The following U2AF2 variants were observed in gnomAD, a reference collection of about 807,000 sequenced individuals.
U2AF2 encodes the protein splicing factor U2AF 65 kDa subunit.
In U2AF2, 6 loss-of-function variants were observed where a neutral mutation model predicts 52.6. The ratio of observed to expected loss-of-function variants is 0.11; its 90% CI spans 0.06 to 0.23. The LOEUF is 0.23. Ranked by LOEUF, U2AF2 falls within the 10% of genes least tolerant of loss-of-function variation. U2AF2 has a pLI of 1.00. For missense variants in U2AF2, 222 were observed against 677.1 expected (o/e 0.33, Z 7.46); for synonymous variants, 284 against 258.2 (o/e 1.10, Z -0.96).
chr19:55,662,459 T>TA, intron 5 of U2AF2, 43 bp from the exon 6 acceptor site: 4 of 311,206 alleles, frequency 1.3e-5, no homozygotes, highest in Non-Finnish European at 2.6e-5. Flanking sequence ...TCTCTCCACC[T>TA]CCCTTCCCCC....
In U2AF2 at chr19:55,674,171, C is replaced by A; in HGVS notation, c.*103C>A. The A allele has an allele frequency of 8.8e-7, 1 of 1,136,744 alleles. No individual in the cohort carries two copies. Among genetic ancestry groups the A allele is most frequent in the East Asian group, 3.5e-5 (1 of 28,232 alleles). The allele number at this position is 1,136,744 out of a possible 1,614,324, so 70.4% of individuals were successfully genotyped here. A position where few individuals can be genotyped will look rare whatever the true frequency, so the allele number is the denominator to read the frequency against. ...AGACGATGGGCAGAGGAGTGACAGC[C>A]GCAGACACACGACAGCCGGCAGCAA... On this transcript the variant is annotated 3_prime_UTR_variant, in exon 12 of 12. Transcript: ENST00000308924.
intron 7 of U2AF2, among the ~76,000 whole-genome samples, chr19:55,665,975 G>A (rs996261913): frequency 3.9e-5 from 6 of 152,220 alleles, no homozygotes; most frequent in Non-Finnish European, 8.8e-5. Flanking sequence ...GATGGATGGC[G>A]GTGCAGCTGG....
chr19:55,663,056 G>A (rs1224554632), intron 6 of U2AF2, among the ~76,000 whole-genome samples: 1 of 152,084 alleles, frequency 6.6e-6, no homozygotes. Context: ...TCGGGAAAAG[G>A]CCTTGGTTTT....
At chr19:55,655,532 C>T (rs565134801) in intron 1 of U2AF2, among the ~76,000 whole-genome samples, 3 of 152,392 alleles carry the variant, frequency 2.0e-5, no homozygotes, top group Admixed American at 2.0e-4. Flanking sequence ...TCTCTTTTCT[C>T]CCGCTGCCTT....
At chr19:55,660,252 GAT>G (rs1409048542) in intron 3 of U2AF2, 31 bp downstream of exon 3, 1 of 1,607,052 alleles carries the variant, frequency 6.2e-7, no homozygotes, top group East Asian at 2.2e-5. Flanking sequence ...CTTCCTCCCT[GAT>G]GTCCACTCCC....
chr19:55,657,072 G>A (rs1051146020), intron 1 of U2AF2, among the ~76,000 whole-genome samples: 2 of 152,234 alleles, frequency 1.3e-5, no homozygotes, highest in South Asian at 2.1e-4. Context: ...AGCTCTGGCT[G>A]CAAGGCCAAG....
At chr19:55,662,363 GTTCC>G (rs1984267652) in intron 5 of U2AF2, 135 bp from the exon 6 acceptor site, 1 of 235,186 alleles carries the variant, frequency 4.3e-6, no homozygotes, top group Admixed American at 6.8e-5. Context: ...ATATTCCACT[GTTCC>G]TTCCCCCCCT....
Position 55,660,496 on chromosome 19 carries a change from T to TGGCCC in U2AF2, c.231-20_231-19insGGCCC. 1.1e-6 allele frequency: 1 copy of TGGCCC among 894,578 alleles called. No homozygotes were observed. Among genetic ancestry groups the TGGCCC allele is most frequent in the Non-Finnish European group, 1.8e-6 (1 of 553,304 alleles). The allele number at this position is 894,578 out of a possible 1,614,324, so 55.4% of individuals were successfully genotyped here. A position where few individuals can be genotyped will look rare whatever the true frequency, so the allele number is the denominator to read the frequency against. ...AGACTGAGGTTGCCCTGCCCCGCTCTCCCCTCCCACCTCCCCCAGTCGTTC... is the reference window on the plus strand; with the variant it reads ...AGACTGAGGTTGCCCTGCCCCGCTCTGGCCCCCCCTCCCACCTCCCCCAGTCGTTC... On this transcript the variant is annotated intron_variant, in intron 3 of 11. Coordinates refer to ENST00000308924, the MANE Select transcript of U2AF2 (RefSeq NM_007279.3).
rs1983997181 is a variant in U2AF2, at chr19:55,659,261, G to C, written c.101G>C (p.Ser34Thr). ...HRKRSHSRSR[S>T]RDRKRRSRSR... ...AAGCGCAGCCACAGCCGCTCTCGGAGCCGGGACCGCAAACGCCGGAGCCGG... is the reference window on the plus strand; with the variant it reads ...AAGCGCAGCCACAGCCGCTCTCGGACCCGGGACCGCAAACGCCGGAGCCGG... Residue 34 changes from serine (S) to threonine (T), a missense_variant, in exon 2 of 12, where the codon AGC (serine) becomes ACC (threonine). By Grantham distance (58) the Ser-to-Thr change is moderately conservative. Transcript: ENST00000308924. 6.2e-7 allele frequency: 1 copy of C among 1,603,726 alleles called. No homozygotes were observed.
At chr19:55,664,213 G>A (rs1326070706) in intron 7 of U2AF2, among the ~76,000 whole-genome samples, 1 of 152,260 alleles carries the variant, frequency 6.6e-6, no homozygotes, top group Non-Finnish European at 1.5e-5. Flanking sequence ...ATTCCCCATA[G>A]CTGTGTTGAA....
Position 55,659,242 on chromosome 19 carries a change from A to T in U2AF2, c.82A>T (p.Ser28Cys), listed in dbSNP as rs778063843. The T allele has an allele frequency of 6.3e-7, 1 of 1,599,628 alleles. No individual in the cohort carries two copies. The highest frequency in any genetic ancestry group is 8.5e-7 in the Non-Finnish European group (1 of 1,172,334). Residue 28 changes from serine to cysteine, a missense_variant, in exon 2 of 12, where the codon AGC becomes TGC. Transcript: ENST00000308924. ...CAAGGAGAACCGGCATCGGAAGCGC[A>T]GCCACAGCCGCTCTCGGAGCCGGGA... ...RDKENRHRKR[S>C]HSRSRSRDRK... is the part of the protein sequence containing the mutation.
rs776138443 is a variant in U2AF2, at chr19:55,655,069, C to T, written c.-36C>T. Reference sequence around the variant, plus strand: ...GGCTGGAGCGGGCGGCAAGGCGAGGCGAAAGCTGCACAGGGCCCTACGCGG... The same window carrying T: ...GGCTGGAGCGGGCGGCAAGGCGAGGTGAAAGCTGCACAGGGCCCTACGCGG... On this transcript the variant is annotated 5_prime_UTR_variant, in exon 1 of 12. Coordinates refer to ENST00000308924, the MANE Select transcript of U2AF2 (RefSeq NM_007279.3). The T allele has an allele frequency of 6.2e-6, 10 of 1,604,878 alleles. No individual in the cohort carries two copies. Among genetic ancestry groups the T allele is most frequent in the Non-Finnish European group, 7.6e-6 (9 of 1,177,274 alleles).
At chr19:55,657,058 T>G (rs1348218335) in intron 1 of U2AF2, among the ~76,000 whole-genome samples, 2 of 152,230 alleles carry the variant, frequency 1.3e-5, no homozygotes, top group Non-Finnish European at 2.9e-5. Context: ...AGGTACTGAT[T>G]CTGAGCTCTG....
At chr19:55,662,740 C>A in intron 6 of U2AF2, 122 bp downstream of exon 6, 1 of 804,110 alleles carries the variant, frequency 1.2e-6, no homozygotes, top group Non-Finnish European at 2.0e-6. Context: ...GCCTCTTCTC[C>A]ACCCGGTCGC....
intron 1 of U2AF2, 152 bp downstream of exon 1, chr19:55,655,305 G>T (rs1041847802): frequency 1.2e-6 from 1 of 856,964 alleles, no homozygotes. Flanking sequence ...TTCACGTGAC[G>T]TCCCCAGCGT....
At chr19:55,673,782 C>A in intron 11 of U2AF2, 152 bp from the exon 12 acceptor site, 1 of 1,077,886 alleles carries the variant, frequency 9.3e-7, no homozygotes, top group Non-Finnish European at 1.3e-6. Flanking sequence ...GTGAACTCCA[C>A]CAAACCTGCT....
At position 55,669,575 on chromosome 19, in the gene U2AF2, C is replaced by G; in HGVS notation, c.1176C>G (p.Asp392Glu). The G allele has an allele frequency of 1.2e-6, 2 of 1,613,888 alleles. No individual in the cohort carries two copies. ...NMVLPEELLD[D>E]EEYEEIVEDV... is the part of the protein sequence containing the mutation. ...TGCTGCCTGAGGAGCTGCTGGACGA[C>G]GAGGAGTATGAGGAGATCGTGGAGG... is the stretch of plus-strand genomic sequence containing the variant. The change falls in exon 11 of 12, where the codon GAC becomes GAG. Residue 392 changes from aspartate to glutamate, a missense_variant. This residue lies in a region of U2AF2 where 71 missense variants were observed against 180.6 expected (regional missense o/e 0.39). Coordinates refer to ENST00000308924, the MANE Select transcript of U2AF2 (RefSeq NM_007279.3).
rs1984714742 is a variant in U2AF2 at position 55,669,000 on chromosome 19, C to T, written c.946-83C>T. 1 of 1,530,274 alleles carries T rather than the reference C, an allele frequency of 6.5e-7. No individual in the cohort carries two copies. The highest frequency in any genetic ancestry group is 1.4e-5 in the African/African-American group (1 of 73,302). 94.8% of individuals were successfully genotyped at this position (1,530,274 alleles called of 1,614,324 possible). ...CTTCCCCTCTTCCCCCACCAATGCC[C>T]CGGCTTGGGGGTAGGTGTCGGGCTC... On this transcript the variant is annotated intron_variant, in intron 9 of 11. Transcript: ENST00000308924. This position sits in a 1 kb window ranked among gnomAD's most constrained non-coding sequence, Gnocchi z 5.5.
At chr19:55,671,151 AAATG>A (rs1984894121) in intron 11 of U2AF2, among the ~76,000 whole-genome samples, 3 of 152,222 alleles carry the variant, frequency 2.0e-5, no homozygotes, top group African/African-American at 7.2e-5. Context: ...GCAGTTGGGA[AAATG>A]AATGAGGTCT....
Sources: gnomAD v4.1 joint callset for allele counts (sites outside exome capture counted in the v4.1 genomes callset) on GRCh38, gnomAD v4.1.1 for gene constraint, gnomAD v4.1.1 regional missense constraint, Gnocchi (gnomAD v3.1) non-coding constraint, MANE v1.5 for transcripts, NCBI Gene and HGNC (gene_info 2026-07-23, HGNC 2026-07-21) for gene names.